SRD5A2: variants seen among roughly 807,000 people sequenced by gnomAD.
SRD5A2 encodes 3-oxo-5-alpha-steroid 4-dehydrogenase 2.
Under a neutral mutation model 27.4 loss-of-function variants are expected in SRD5A2, and 30 were observed. The ratio of observed to expected loss-of-function variants is 1.10; its 90% CI spans 0.82 to 1.49. The LOEUF (loss-of-function observed/expected upper bound fraction) is 1.49. SRD5A2 is among the 40% of genes most tolerant of loss of function. The pLI is 0.00. For synonymous variants in SRD5A2, 141 were observed against 133.6 expected (o/e 1.06, Z -0.38); for missense variants, 348 against 323.4 (o/e 1.08, Z -0.58).
At chr2:31,657,901 A>G in the SRD5A2 span, among the ~76,000 whole-genome samples, 1 of 152,258 alleles carries the variant, frequency 6.6e-6, no homozygotes, top group Admixed American at 6.5e-5. Context: ...AAAAGGAAGG[A>G]GAGAACTTAG....
the SRD5A2 span, among the ~76,000 whole-genome samples, chr2:31,659,107 A>G: frequency 6.6e-6 from 1 of 152,184 alleles, no homozygotes; most frequent in East Asian, 1.9e-4. Context: ...TAGATGCAGA[A>G]AACGCTTTTA....
At chr2:31,533,477 T>C in intron 2 of SRD5A2, 126 bp downstream of exon 2, 1 of 821,618 alleles carries the variant, frequency 1.2e-6, no homozygotes, top group East Asian at 2.7e-5. Flanking sequence ...AAGATCAGGG[T>C]AGAGGTGAGG....
chr2:31,534,962 T>A (rs970847724), intron 1 of SRD5A2, among the ~76,000 whole-genome samples: 1 of 152,178 alleles, frequency 6.6e-6, no homozygotes, highest in Admixed American at 6.5e-5. Flanking sequence ...AAGAAGCACA[T>A]TTTAAATTAT....
intron 1 of SRD5A2, among the ~76,000 whole-genome samples, chr2:31,541,179 A>T (rs1192633109): frequency 6.6e-6 from 1 of 152,306 alleles, no homozygotes; most frequent in African/African-American, 2.4e-5. Context: ...AATACCAGTA[A>T]AGACCTTATG....
chr2:31,584,928 T>C (rs182740298), upstream of SRD5A2, among the ~76,000 whole-genome samples: 1 of 152,238 alleles, frequency 6.6e-6, no homozygotes, highest in Non-Finnish European at 1.5e-5. Context: ...CTTGAAGCAC[T>C]GAAGCCACCC....
At chr2:31,660,477 C>T in the SRD5A2 span, among the ~76,000 whole-genome samples, 1 of 152,052 alleles carries the variant, frequency 6.6e-6, no homozygotes, top group Non-Finnish European at 1.5e-5. Context: ...TTTGTCCAAA[C>T]CCATAGAATG....
At chr2:31,637,702 C>T in the SRD5A2 span, among the ~76,000 whole-genome samples, 11 of 152,034 alleles carry the variant, frequency 7.2e-5, no homozygotes, top group African/African-American at 2.4e-4. Flanking sequence ...GTTTCACCCT[C>T]AGCTCACTCT....
Position 31,531,371 on chromosome 2 carries a change from C to T in SRD5A2, c.547G>A (p.Gly183Ser), listed in dbSNP as rs121434247. The change falls in exon 3 of 5, where the codon GGT becomes AGT. Residue 183 changes from glycine to serine, a missense_variant and splice_region_variant. By Grantham distance (56) the Gly-to-Ser change is moderately conservative. Coordinates refer to ENST00000622030, the MANE Select transcript of SRD5A2 (RefSeq NM_000348.4). ...PGEISYRIPQ[G>S]GLFTYVSGAN... ...AGTCTGGGGGCAGGGGAGACATTAC[C>T]TTGTGGAATCCTGTAGCTGATTTCT... The T allele has an allele frequency of 2.7e-5, 42 of 1,575,150 alleles. No homozygotes were observed. The African/African-American group carries it at 4.6e-4, about 17-fold the overall frequency.
At position 31,526,106 on chromosome 2, in the gene SRD5A2, G is replaced by GATATATATATATATATATATATATATAT. The variant is rs1553322989; in HGVS notation, c.*89_*90insATATATATATATATATATATATATATAT. The GATATATATATATATATATATATATATAT allele has an allele frequency of 1.2e-6, 1 of 806,600 alleles. No individual in the cohort carries two copies. The highest frequency in any genetic ancestry group is 2.2e-5 in the African/African-American group (1 of 46,230). 50.0% of individuals were successfully genotyped at this position (806,600 alleles called of 1,614,324 possible). A position where few individuals can be genotyped will look rare whatever the true frequency, so the allele number is the denominator to read the frequency against. ...GGAGACCTACTATTACATATATACG[G>GATATATATATATATATATATATATATAT]GACTATTATATCATGAAAATTACAG... On this transcript the variant is annotated 3_prime_UTR_variant, in exon 5 of 5. Coordinates refer to ENST00000622030, the MANE Select transcript of SRD5A2 (RefSeq NM_000348.4).
In SRD5A2 at chr2:31,523,837, A is replaced by G. The variant is rs1249058244; in HGVS notation, c.*2359T>C. On this transcript the variant is annotated 3_prime_UTR_variant, in exon 5 of 5. Transcript: ENST00000622030. ...ATCCACATACATATCCTAGCCCTAA[A>G]CAATGACAAACTGTCATTGAACACA... 1 of 219,936 alleles carries G rather than the reference A, an allele frequency of 4.5e-6. No homozygotes were observed. The highest frequency in any genetic ancestry group is 2.2e-5 in the African/African-American group (1 of 44,660). 13.6% of individuals were successfully genotyped at this position (219,936 alleles called of 1,614,324 possible).
the SRD5A2 span, among the ~76,000 whole-genome samples, chr2:31,635,939 T>C: frequency 6.6e-6 from 1 of 152,090 alleles, no homozygotes; most frequent in Non-Finnish European, 1.5e-5. Context: ...TCTATGATGT[T>C]ACTGTATCTT....
chr2:31,616,649 C>A, the SRD5A2 span, among the ~76,000 whole-genome samples: 1 of 152,228 alleles, frequency 6.6e-6, no homozygotes, highest in African/African-American at 2.4e-5. Context: ...TGTACCCCCA[C>A]TGTATCTAGG....
chr2:31,558,139 C>A lies in SRD5A2; in HGVS notation c.281+22481G>T, dbSNP rs111566637. Among the ~76,000 whole-genome samples the A allele has an allele frequency of 7.2e-3, 1,093 of 152,232 alleles. 12 individuals carry two copies. The highest frequency in any genetic ancestry group is 0.011 in the Non-Finnish European group (726 of 68,022). On this transcript the variant is annotated intron_variant, in intron 1 of 4. Transcript: ENST00000622030. Reference sequence around the variant, plus strand: ...TTCTATACTTGAAGAGAATCTGAACCCCTACTTGGCCAGACCTTTAGTGTA... The same window carrying A: ...TTCTATACTTGAAGAGAATCTGAACACCTACTTGGCCAGACCTTTAGTGTA...
intron 1 of SRD5A2, among the ~76,000 whole-genome samples, chr2:31,568,269 G>A (rs1666777212): frequency 6.6e-6 from 1 of 152,152 alleles, no homozygotes; most frequent in African/African-American, 2.4e-5. Flanking sequence ...GACAAGCAGG[G>A]GGGCATGTTT....
chr2:31,604,564 C>A, the SRD5A2 span, among the ~76,000 whole-genome samples: 6 of 151,694 alleles, frequency 4.0e-5, no homozygotes, highest in East Asian at 1.9e-4. Context: ...GACAGCCATG[C>A]ATAAAATTAA....
chr2:31,654,436 G>C, the SRD5A2 span, among the ~76,000 whole-genome samples: 1 of 152,194 alleles, frequency 6.6e-6, no homozygotes, highest in Non-Finnish European at 1.5e-5. Flanking sequence ...AGAGTTGTCA[G>C]AGTAGGAAGC....
At chr2:31,648,528 C>T in the SRD5A2 span, among the ~76,000 whole-genome samples, 1 of 152,162 alleles carries the variant, frequency 6.6e-6, no homozygotes, top group Non-Finnish European at 1.5e-5. Flanking sequence ...TATGCCAGGC[C>T]ACATCAAAGG....
chr2:31,553,361 A>G (rs1572643729), intron 1 of SRD5A2, among the ~76,000 whole-genome samples: 1 of 152,222 alleles, frequency 6.6e-6, no homozygotes, highest in African/African-American at 2.4e-5. Flanking sequence ...AAGCTTATTT[A>G]AAGAAACAAT....
chr2:31,579,488 A>T (rs945314825), intron 1 of SRD5A2, among the ~76,000 whole-genome samples: 4 of 152,188 alleles, frequency 2.6e-5, no homozygotes, highest in Non-Finnish European at 4.4e-5. Flanking sequence ...TTCTCTGTTT[A>T]TGGGCTCTGT....
Sources: allele counts gnomAD v4.1 joint callset (sites outside exome capture counted in the v4.1 genomes callset), GRCh38; gene constraint gnomAD v4.1.1; transcripts MANE v1.5; gene names NCBI Gene and HGNC (gene_info 2026-07-23, HGNC 2026-07-21).